ZBTB44: variants seen among roughly 807,000 people sequenced by gnomAD.
ZBTB44 encodes the protein zinc finger and BTB domain-containing protein 44.
A neutral mutation model predicts 54.0 loss-of-function variants in ZBTB44; 15 were observed. The ratio of observed to expected loss-of-function variants is 0.28; its 90% CI spans 0.19 to 0.43. The LOEUF (loss-of-function observed/expected upper bound fraction) is 0.43, where lower values mean the gene tolerates loss of function less well. ZBTB44 is among the 20% of genes least tolerant of loss of function. The pLI is 1.00. For missense variants in ZBTB44, 487 were observed against 707.1 expected (o/e 0.69, Z 3.53); for synonymous variants, 230 against 250.1 (o/e 0.92, Z 0.76).
intron 1 of ZBTB44, among the ~76,000 whole-genome samples, chr11:130,303,113 G>A (rs1444538091): frequency 6.6e-6 from 1 of 152,136 alleles, no homozygotes; most frequent in Non-Finnish European, 1.5e-5. Flanking sequence ...TATCTGCCAA[G>A]AATAGGCAAG....
intron 1 of ZBTB44, among the ~76,000 whole-genome samples, chr11:130,277,925 A>G (rs577552025): frequency 6.6e-6 from 1 of 152,280 alleles, no homozygotes; most frequent in East Asian, 1.9e-4. Flanking sequence ...CACATTTTGA[A>G]TATGTTCTCC....
intron 2 of ZBTB44, among the ~76,000 whole-genome samples, chr11:130,247,509 CTGT>C (rs1389947935): frequency 1.3e-5 from 2 of 152,162 alleles, no homozygotes; most frequent in African/African-American, 4.8e-5. Flanking sequence ...CTTGGTGAAA[CTGT>C]TTTCTAGGCT....
At chr11:130,283,969 CAAAAAAAAAAAAAAAA>C (rs71061377) in intron 1 of ZBTB44, among the ~76,000 whole-genome samples, 2 of 45,174 alleles carry the variant, frequency 4.4e-5, no homozygotes. Context: ...GACTCCATCT[CAAAAAAAAAAAAAAAA>C]AAAAAAAAAA....
chr11:130,302,711 C>T (rs1942051082), intron 1 of ZBTB44, among the ~76,000 whole-genome samples: 1 of 152,226 alleles, frequency 6.6e-6, no homozygotes, highest in Admixed American at 6.5e-5. Context: ...TGATGGCTCA[C>T]GCCTGTAATC....
intron 1 of ZBTB44, chr11:130,295,863 GGA>G: frequency 7.0e-7 from 1 of 1,422,418 alleles, no homozygotes; most frequent in Admixed American, 1.7e-5. Flanking sequence ...GTGTTCTTAA[GGA>G]GCTAAAGACT....
rs370037968 is a variant in ZBTB44, at chr11:130,260,911, T to G, written c.963A>C (p.Pro321=). The G allele has an allele frequency of 9.9e-6, 16 of 1,613,920 alleles. No homozygotes were observed. Among genetic ancestry groups the G allele is most frequent in the Non-Finnish European group, 1.4e-5 (16 of 1,179,904 alleles). Residue 321 remains proline (P), a synonymous_variant, in exon 2 of 8, where the codon CCA becomes CCC. Coordinates refer to ENST00000357899, the MANE Select transcript of ZBTB44 (RefSeq NM_001301098.2). The part of the protein sequence containing the change: ...QSSLSDQQTV[P]GSEQVQEDLL... ...GGTCCTCTTGGACTTGTTCACTTCCTGGAACTGTCTGCTGATCACTCAGCG... is the reference window on the plus strand; with the variant it reads ...GGTCCTCTTGGACTTGTTCACTTCCGGGAACTGTCTGCTGATCACTCAGCG...
At position 130,259,405 on chromosome 11, in the gene ZBTB44, T is replaced by A. The variant is rs11821625; in HGVS notation, c.1018+1451A>T. Among the ~76,000 whole-genome samples the A allele has an allele frequency of 8.6e-3, 1,317 of 152,278 alleles. 9 individuals are homozygous for A. The highest frequency in any genetic ancestry group is 0.022 in the African/African-American group (894 of 41,558). ...TGGAAGACAGTGTGGCGATTCCTCA[T>A]GAATCTAGAAACAGAAATACCATTC... On this transcript the variant is annotated intron_variant, in intron 2 of 7. Coordinates refer to ENST00000357899, the MANE Select transcript of ZBTB44 (RefSeq NM_001301098.2).
intron 4 of ZBTB44, among the ~76,000 whole-genome samples, chr11:130,238,003 T>C (rs1296551049): frequency 1.3e-5 from 2 of 152,256 alleles, no homozygotes; most frequent in African/African-American, 4.8e-5. Context: ...TTTAGGACTG[T>C]AGAATTGAAA....
At chr11:130,237,894 G>A (rs1954178205) in intron 4 of ZBTB44, among the ~76,000 whole-genome samples, 1 of 152,088 alleles carries the variant, frequency 6.6e-6, no homozygotes, top group African/African-American at 2.4e-5. Context: ...TGTGATTACT[G>A]AACTAAAATT....
intron 1 of ZBTB44, among the ~76,000 whole-genome samples, chr11:130,305,375 A>C (rs1942210617): frequency 6.6e-6 from 1 of 152,252 alleles, no homozygotes. Flanking sequence ...GGCTATAGTC[A>C]CCAAAACAGC....
At chr11:130,300,743 G>C (rs1941944019) in intron 1 of ZBTB44, among the ~76,000 whole-genome samples, 1 of 152,166 alleles carries the variant, frequency 6.6e-6, no homozygotes, top group Non-Finnish European at 1.5e-5. Context: ...AGGAATCACT[G>C]ATGACCTTAT....
chr11:130,278,035 C>CT (rs989850360), intron 1 of ZBTB44, among the ~76,000 whole-genome samples: 1 of 152,110 alleles, frequency 6.6e-6, no homozygotes, highest in South Asian at 2.1e-4. Flanking sequence ...AAGATTTTCC[C>CT]TTTTTAAACT....
intron 2 of ZBTB44, among the ~76,000 whole-genome samples, chr11:130,240,929 G>A (rs938146354): frequency 5.9e-5 from 9 of 152,164 alleles, no homozygotes; most frequent in African/African-American, 2.2e-4. Context: ...GCCTTTAAAG[G>A]AAAGTTTGCC....
At chr11:130,238,635 C>A in intron 3 of ZBTB44, 28 bp from the exon 4 acceptor site, 6 of 1,593,250 alleles carry the variant, frequency 3.8e-6, no homozygotes, top group Non-Finnish European at 5.1e-6. Flanking sequence ...AAGAAGGCAA[C>A]CAGGCTCTGA....
At chr11:130,283,629 T>C (rs1329184515) in intron 1 of ZBTB44, among the ~76,000 whole-genome samples, 1 of 152,146 alleles carries the variant, frequency 6.6e-6, no homozygotes, top group Non-Finnish European at 1.5e-5. Context: ...TTAAGCTTTA[T>C]TCGACAATGA....
At chr11:130,289,980 AC>A (rs1240926305) in intron 1 of ZBTB44, among the ~76,000 whole-genome samples, 7 of 152,104 alleles carry the variant, frequency 4.6e-5, no homozygotes, top group African/African-American at 9.7e-5. Flanking sequence ...AAAAGCTAAA[AC>A]CCCCAAATGT....
rs539342370 is a variant in ZBTB44 at position 130,310,408 on chromosome 11, G to A, written c.-57+3967C>T. ...CAGGTCAAAACTCCCGTGCTTATCAGTAGTAGGATCACATCTGTGAATAGC... is the reference window on the plus strand; with the variant it reads ...CAGGTCAAAACTCCCGTGCTTATCAATAGTAGGATCACATCTGTGAATAGC... On this transcript the variant is annotated intron_variant, in intron 1 of 7. Coordinates refer to ENST00000357899, the MANE Select transcript of ZBTB44 (RefSeq NM_001301098.2). 2.0e-5 allele frequency: 3 copies of A among 151,824 alleles called. No individual in the cohort carries two copies. The East Asian group carries it at 5.8e-4, about 30-fold the overall frequency. 9.4% of individuals were successfully genotyped at this position (151,824 alleles called of 1,614,324 possible).
chr11:130,259,503 C>T (rs1266047015), intron 2 of ZBTB44, among the ~76,000 whole-genome samples: 1 of 152,184 alleles, frequency 6.6e-6, no homozygotes, highest in East Asian at 1.9e-4. Flanking sequence ...CACATGCGCA[C>T]ATATGTTTAC....
chr11:130,305,866 C>T (rs1029752189), intron 1 of ZBTB44, among the ~76,000 whole-genome samples: 3 of 151,910 alleles, frequency 2.0e-5, no homozygotes, highest in African/African-American at 7.3e-5. Context: ...GGACTAATAT[C>T]CAGAATCTAC....
Sources: allele counts gnomAD v4.1 joint callset (sites outside exome capture counted in the v4.1 genomes callset), GRCh38; gene constraint gnomAD v4.1.1; transcripts MANE v1.5; gene names NCBI Gene and HGNC (gene_info 2026-07-23, HGNC 2026-07-21).